Variants in HIF1A observed in about 807,000 individuals in gnomAD.
HIF1A encodes hypoxia inducible factor 1 subunit alpha, also known as hypoxia-inducible factor 1-alpha.
A neutral mutation model predicts 92.7 loss-of-function variants in HIF1A; 24 were observed. That is an observed-to-expected ratio of 0.26 (90% CI 0.19 to 0.36). HIF1A has a LOEUF of 0.36. HIF1A is among the 10% of genes least tolerant of loss of function. HIF1A has a pLI of 1.00. For synonymous variants in HIF1A, 319 were observed against 338.7 expected, an observed-to-expected ratio of 0.94 and a Z score of 0.64; for missense variants, 799 against 998.5, an observed-to-expected ratio of 0.80 and a Z score of 2.69.
At chr14:61,736,412 G>A (rs1487783861) in intron 8 of HIF1A, among the ~76,000 whole-genome samples, 1 of 152,004 alleles carries the variant, frequency 6.6e-6, no homozygotes, top group Non-Finnish European at 1.5e-5. Context: ...GTGATGCTGA[G>A]GTTTGGGGTA....
At chr14:61,696,734 A>G (rs1225505742) in intron 1 of HIF1A, among the ~76,000 whole-genome samples, 7 of 152,222 alleles carry the variant, frequency 4.6e-5, no homozygotes, top group African/African-American at 1.7e-4. Context: ...AAAGTATATG[A>G]TGAGTGAATG....
In HIF1A at chr14:61,720,552, T is replaced by G; in HGVS notation, c.206T>G (p.Val69Gly). 1 of 1,605,602 alleles carries G rather than the reference T, an allele frequency of 6.2e-7. No homozygotes were observed. The highest frequency in any genetic ancestry group is 8.5e-7 in the Non-Finnish European group (1 of 1,176,796). The change falls in exon 2 of 15, where the codon GTG (valine) becomes GGG (glycine). Residue 69 changes from valine (V) to glycine (G), a missense_variant. By Grantham distance (109) the Val-to-Gly change is moderately radical. Coordinates refer to ENST00000337138, the MANE Select transcript of HIF1A (RefSeq NM_001530.4). ...VMRLTISYLR[V>G]RKLLDAGDLD... ...AGGCTTACCATCAGCTATTTGCGTG[T>G]GAGGAAACTTCTGGATGCTGGTGAG...
chr14:61,744,070 T>C (rs1037374906), intron 12 of HIF1A, among the ~76,000 whole-genome samples: 8 of 152,208 alleles, frequency 5.3e-5, no homozygotes, highest in Non-Finnish European at 8.8e-5. Context: ...GAATGTGAGA[T>C]TGATCTTGTA....
chr14:61,737,176 A>G, intron 9 of HIF1A, 67 bp downstream of exon 9: 1 of 1,069,954 alleles, frequency 9.3e-7, no homozygotes, highest in Non-Finnish European at 1.4e-6. Flanking sequence ...TCAACTAAAC[A>G]TTACTTTACG....
Position 61,720,399 on chromosome 14 carries a change from G to A in HIF1A, c.53G>A (p.Arg18Gln), listed in dbSNP as rs2044412888. ...TTAAGTAGGATAAGTTCTGAACGTC[G>A]AAAAGAAAAGTCTCGAGATGCAGCC... ...NDKKKISSER[R>Q]KEKSRDAARS... Residue 18 changes from arginine to glutamine, a missense_variant, in exon 2 of 15, where the codon CGA becomes CAA. Arg to Gln is a conservative substitution (Grantham distance 43). Around this residue, in one of 2 missense-constraint regions of HIF1A, gnomAD observed 516 missense variants for 721.0 expected, o/e 0.72. Transcript: ENST00000337138. 3 of 1,611,206 alleles carry A rather than the reference G, an allele frequency of 1.9e-6. No homozygotes were observed. Among genetic ancestry groups the A allele is most frequent in the Non-Finnish European group, 2.5e-6 (3 of 1,179,066 alleles).
intron 4 of HIF1A, among the ~76,000 whole-genome samples, chr14:61,724,378 T>TCTCCCC (rs1555338415): frequency 1.3e-5 from 2 of 149,562 alleles, no homozygotes; most frequent in African/African-American, 5.0e-5. Flanking sequence ...TCTCTCTCTC[T>TCTCCCC]CTCCCCCTCC....
chr14:61,739,361 T>C (rs1455814549), intron 10 of HIF1A, among the ~76,000 whole-genome samples: 1 of 152,228 alleles, frequency 6.6e-6, no homozygotes, highest in Non-Finnish European at 1.5e-5. Context: ...GATTCCATTT[T>C]AGGGCTTCCT....
intron 1 of HIF1A, among the ~76,000 whole-genome samples, chr14:61,718,273 A>G (rs761290260): frequency 2.6e-5 from 4 of 152,228 alleles, no homozygotes; most frequent in Non-Finnish European, 5.9e-5. Flanking sequence ...GGTAACAAAG[A>G]ACGCCTGGAA....
intron 1 of HIF1A, among the ~76,000 whole-genome samples, chr14:61,709,738 G>C (rs938036899): frequency 6.6e-6 from 1 of 152,004 alleles, no homozygotes. Context: ...TAATTATACA[G>C]AATTTTCAAA....
chr14:61,727,718 C>A, intron 6 of HIF1A, 63 bp downstream of exon 6: 1 of 1,218,918 alleles, frequency 8.2e-7, no homozygotes, highest in Non-Finnish European at 1.2e-6. Flanking sequence ...ACTGAATATT[C>A]ACCATAGCAA....
chr14:61,697,844 A>G (rs1276673035), intron 1 of HIF1A: 2 of 1,497,536 alleles, frequency 1.3e-6, no homozygotes, highest in African/African-American at 1.4e-5. Context: ...TTTTTTTTTC[A>G]TTTTAAATGA....
intron 1 of HIF1A, among the ~76,000 whole-genome samples, chr14:61,700,701 C>T (rs1460760155): frequency 6.6e-6 from 1 of 152,172 alleles, no homozygotes; most frequent in Non-Finnish European, 1.5e-5. Flanking sequence ...TTTCAAGGAA[C>T]CACCATATTG....
intron 4 of HIF1A, among the ~76,000 whole-genome samples, chr14:61,725,751 A>C (rs1251418949): frequency 6.6e-6 from 1 of 151,694 alleles, no homozygotes; most frequent in Admixed American, 6.6e-5. Context: ...ACCTAAATAT[A>C]ATCTCATTTT....
intron 6 of HIF1A, among the ~76,000 whole-genome samples, chr14:61,727,956 TGTG>T (rs2140143288): frequency 6.6e-6 from 1 of 150,814 alleles, no homozygotes; most frequent in South Asian, 2.1e-4. Flanking sequence ...AGGTGGATGT[TGTG>T]GTGAGCTGAG....
chr14:61,704,172 G>A (rs886126180), intron 1 of HIF1A, among the ~76,000 whole-genome samples: 1 of 152,162 alleles, frequency 6.6e-6, no homozygotes, highest in Non-Finnish European at 1.5e-5. Flanking sequence ...GCTTAATTAA[G>A]TAGAAACTAT....
At chr14:61,711,797 A>G (rs2044311395) in intron 1 of HIF1A, among the ~76,000 whole-genome samples, 1 of 152,250 alleles carries the variant, frequency 6.6e-6, no homozygotes, top group Non-Finnish European at 1.5e-5. Context: ...GAACTTGGCT[A>G]GATAAATAAA....
chr14:61,700,464 G>A (rs530700267), intron 1 of HIF1A, among the ~76,000 whole-genome samples: 2 of 152,276 alleles, frequency 1.3e-5, no homozygotes, highest in South Asian at 2.1e-4. Flanking sequence ...CATCCATGTT[G>A]TAGCATGTGT....
intron 1 of HIF1A, among the ~76,000 whole-genome samples, chr14:61,705,012 C>T (rs901826710): frequency 6.6e-6 from 1 of 152,096 alleles, no homozygotes; most frequent in African/African-American, 2.4e-5. Context: ...GCGCATTGGC[C>T]AGTCTGCTTT....
In HIF1A at chr14:61,732,428, T is replaced by A; in HGVS notation, c.784T>A (p.Leu262Met). 6.2e-7 allele frequency: 1 copy of A among 1,601,242 alleles called. No individual in the cohort carries two copies. Among genetic ancestry groups the A allele is most frequent in the Non-Finnish European group, 8.6e-7 (1 of 1,169,050 alleles). Residue 262 changes from leucine to methionine, a missense_variant, in exon 7 of 15, where the codon TTG (leucine) becomes ATG (methionine). Transcript: ENST00000337138. ...ATTTTTTACTAACAGAATTACCGAA[T>A]TGATGGGATATGAGCCAGAAGAACT... is the stretch of plus-strand genomic sequence containing the variant. Reference protein sequence around the residue: ...FSYCDERITELMGYEPEELLG... With the variant: ...FSYCDERITEMMGYEPEELLG...
Sources: allele counts gnomAD v4.1 joint callset (sites outside exome capture counted in the v4.1 genomes callset), GRCh38; gene constraint gnomAD v4.1.1; regional missense constraint gnomAD v4.1.1; transcripts MANE v1.5; gene names NCBI Gene and HGNC (gene_info 2026-07-23, HGNC 2026-07-21).